The following SMAD7 variants were observed in gnomAD, a reference collection of about 807,000 sequenced individuals.
SMAD7 encodes the protein SMAD family member 7.
Under a neutral mutation model 38.7 loss-of-function variants are expected in SMAD7, and 8 were observed. The observed-to-expected ratio is 0.21, with a 90% CI of 0.12 to 0.37. SMAD7 has a LOEUF of 0.37. Among genes scored for constraint, SMAD7 ranks in the 10% least tolerant of loss-of-function variants. SMAD7 has a pLI of 1.00. For synonymous variants in SMAD7, 327 were observed against 265.1 expected (o/e 1.23, Z -2.27); for missense variants, 477 against 577.9 (o/e 0.83, Z 1.79).
At chr18:48,946,423 A>AG (rs368027284) in intron 2 of SMAD7, among the ~76,000 whole-genome samples, 1 of 106,734 alleles carries the variant, frequency 9.4e-6, no homozygotes, top group African/African-American at 2.7e-5. Flanking sequence ...CAGACCTGTG[A>AG]GGGGGGCGGG....
intron 1 of SMAD7, 151 bp from the exon 2 acceptor site, chr18:48,948,588 T>G: frequency 1.9e-6 from 1 of 522,840 alleles, no homozygotes; most frequent in Non-Finnish European, 3.4e-6. Context: ...CCTTGATATT[T>G]AGCTGTCAGA....
intron 3 of SMAD7, among the ~76,000 whole-genome samples, chr18:48,926,869 C>T (rs562506211): frequency 1.6e-4 from 24 of 152,344 alleles, no homozygotes; most frequent in African/African-American, 5.8e-4. Context: ...AACAAGCCCT[C>T]TTCAGGGACA....
chr18:48,931,815 G>A (rs1040689647), intron 3 of SMAD7, among the ~76,000 whole-genome samples: 5 of 152,380 alleles, frequency 3.3e-5, no homozygotes, highest in Admixed American at 3.3e-4. Context: ...CAGGAGAGCA[G>A]GCCAGCCTCT....
intron 3 of SMAD7, among the ~76,000 whole-genome samples, chr18:48,927,651 G>A (rs1385785107): frequency 6.6e-6 from 1 of 152,168 alleles, no homozygotes; most frequent in East Asian, 1.9e-4. Context: ...AAGTGATTGG[G>A]GCCAGCTTGT....
intron 3 of SMAD7, among the ~76,000 whole-genome samples, chr18:48,931,855 C>T (rs370207922): frequency 2.0e-5 from 3 of 152,212 alleles, no homozygotes; most frequent in Non-Finnish European, 2.9e-5. Context: ...ATGCTGGCCC[C>T]GACATTGTAA....
In SMAD7 at chr18:48,950,195, G is replaced by T; in HGVS notation, c.230C>A (p.Pro77Gln). The T allele has an allele frequency of 1.3e-6, 2 of 1,487,310 alleles. No homozygotes were observed. Among genetic ancestry groups the T allele is most frequent in the Non-Finnish European group, 1.8e-6 (2 of 1,124,620 alleles). 92.1% of individuals were successfully genotyped at this position (1,487,310 alleles called of 1,614,324 possible). A position where few individuals can be genotyped will look rare whatever the true frequency, so the allele number is the denominator to read the frequency against. ...RGAKGHHHPHPPAAGAGAAGG... is the reference protein window; with the variant it reads ...RGAKGHHHPHQPAAGAGAAGG... ...GGCCGCGCCGGCGCCCGCGGCTGGC[G>T]GGTGGGGATGGTGGTGACCTTTGGC... is the stretch of plus-strand genomic sequence containing the variant. Residue 77 changes from proline (P) to glutamine (Q), a missense_variant, in exon 1 of 4, where the codon CCG (proline) becomes CAG (glutamine). Around this residue, in one of 2 missense-constraint regions of SMAD7, gnomAD observed 376 missense variants for 379.4 expected, o/e 0.99. Transcript: ENST00000262158.
chr18:48,948,811 G>GC (rs1159132146), intron 1 of SMAD7, among the ~76,000 whole-genome samples: 3 of 152,272 alleles, frequency 2.0e-5, no homozygotes, highest in South Asian at 4.1e-4. Flanking sequence ...GCCCCGGCCC[G>GC]CCCCCCAGGC....
At position 48,950,537 on chromosome 18, in the gene SMAD7, C is replaced by T; in HGVS notation, c.-113G>A. ...TTGGGGCAGCAGGCGCAGGCGACAG[C>T]AGCAGCAGCAGGGGCCCGGGCAGGA... On this transcript the variant is annotated 5_prime_UTR_variant, in exon 1 of 4. Transcript: ENST00000262158. 9.7e-7 allele frequency: 1 copy of T among 1,035,926 alleles called. No homozygotes were observed. Among genetic ancestry groups the T allele is most frequent in the Non-Finnish European group, 1.3e-6 (1 of 754,954 alleles). The allele number at this position is 1,035,926 out of a possible 1,614,324, so 64.2% of individuals were successfully genotyped here. A position where few individuals can be genotyped will look rare whatever the true frequency, so the allele number is the denominator to read the frequency against.
At chr18:48,935,026 A>G (rs1026477903) in intron 3 of SMAD7, among the ~76,000 whole-genome samples, 2 of 152,158 alleles carry the variant, frequency 1.3e-5, no homozygotes, top group African/African-American at 4.8e-5. Flanking sequence ...TAGAGTATAA[A>G]TACGATCATT....
chr18:48,950,445 G>A lies in SMAD7; in HGVS notation c.-21C>T, dbSNP rs1277873025. ...AACATGCGGGGCGAGGAGGCGAGGA[G>A]AAAAGTCGTTTGCCTGCTAAGGAGC... On this transcript the variant is annotated 5_prime_UTR_variant, in exon 1 of 4. Coordinates refer to ENST00000262158, the MANE Select transcript of SMAD7 (RefSeq NM_005904.4). 5 of 1,541,998 alleles carry A rather than the reference G, an allele frequency of 3.2e-6. No individual in the cohort carries two copies. Among genetic ancestry groups the A allele is most frequent in the South Asian group, 2.4e-5 (2 of 82,974 alleles).
At chr18:48,943,032 G>A (rs950751755) in intron 2 of SMAD7, among the ~76,000 whole-genome samples, 1 of 152,116 alleles carries the variant, frequency 6.6e-6, no homozygotes. Flanking sequence ...TGGGCTGCCG[G>A]GACTTCTTTC....
At chr18:48,943,592 C>G (rs9945126) in intron 2 of SMAD7, among the ~76,000 whole-genome samples, 97,530 of 152,136 alleles carry the variant, frequency 0.64, 33,438 homozygotes, top group African/African-American at 0.9. Context: ...GAAGTCCTAG[C>G]GGAGAGCCCG....
At chr18:48,945,638 G>C (rs1379743290) in intron 2 of SMAD7, among the ~76,000 whole-genome samples, 1 of 152,168 alleles carries the variant, frequency 6.6e-6, no homozygotes, top group Non-Finnish European at 1.5e-5. Context: ...TCGGTTAAGA[G>C]AGAAACGCAG....
At chr18:48,937,832 C>T (rs1303035696) in intron 3 of SMAD7, among the ~76,000 whole-genome samples, 2 of 152,230 alleles carry the variant, frequency 1.3e-5, no homozygotes, top group African/African-American at 2.4e-5. Flanking sequence ...CCAAAGTCCA[C>T]GCTCATGAGC....
chr18:48,950,555 G>A lies in SMAD7; in HGVS notation c.-131C>T, dbSNP rs1230311696. On this transcript the variant is annotated 5_prime_UTR_variant, in exon 1 of 4. Coordinates refer to ENST00000262158, the MANE Select transcript of SMAD7 (RefSeq NM_005904.4). Reference sequence around the variant, plus strand: ...GCGACAGCAGCAGCAGCAGGGGCCCGGGCAGGAGCGGCGGCGGCCCGAGGG... The same window carrying A: ...GCGACAGCAGCAGCAGCAGGGGCCCAGGCAGGAGCGGCGGCGGCCCGAGGG... 2 of 842,862 alleles carry A rather than the reference G, an allele frequency of 2.4e-6. No homozygotes were observed. Among genetic ancestry groups the A allele is most frequent in the Non-Finnish European group, 1.7e-6 (1 of 603,596 alleles). The allele number at this position is 842,862 out of a possible 1,614,324, so 52.2% of individuals were successfully genotyped here.
chr18:48,927,084 A>G (rs1233231366), intron 3 of SMAD7, among the ~76,000 whole-genome samples: 2 of 152,190 alleles, frequency 1.3e-5, no homozygotes, highest in Non-Finnish European at 1.5e-5. Flanking sequence ...CCTCATCCAA[A>G]AGAGGAAATA....
intron 3 of SMAD7, among the ~76,000 whole-genome samples, chr18:48,932,840 T>C (rs1006665336): frequency 9.2e-5 from 14 of 152,248 alleles, no homozygotes; most frequent in Non-Finnish European, 2.1e-4. Context: ...GCGAATCAAG[T>C]CCTCTGGAGT....
chr18:48,941,074 A>G (rs2070133978), intron 3 of SMAD7, among the ~76,000 whole-genome samples: 1 of 152,152 alleles, frequency 6.6e-6, no homozygotes, highest in Non-Finnish European at 1.5e-5. Context: ...AAAACCATCT[A>G]ACAACATCCT....
rs559640719 is a variant in SMAD7 at position 48,923,530 on chromosome 18, T to C, written c.743-1620A>G. Among the ~76,000 whole-genome samples the C allele has an allele frequency of 2.6e-4, 39 of 152,232 alleles. 1 individual carries two copies. The highest frequency in any genetic ancestry group is 2.2e-3 in the Admixed American group (34 of 15,288). The stretch of plus-strand genomic sequence containing the variant: ...AGTGTTGGATGGAGGTGCCCGTCAG[T>C]AAGGCCATACAAATGTGCACACTGC... On this transcript the variant is annotated intron_variant, in intron 3 of 3. Transcript: ENST00000262158.
Sources: allele counts gnomAD v4.1 joint callset (sites outside exome capture counted in the v4.1 genomes callset), GRCh38; gene constraint gnomAD v4.1.1; regional missense constraint gnomAD v4.1.1; transcripts MANE v1.5; gene names NCBI Gene and HGNC (gene_info 2026-07-23, HGNC 2026-07-21).